Variants in FRMD4B observed in about 807,000 individuals in gnomAD.
FRMD4B encodes the protein FERM domain containing 4B, also known as FERM domain-containing protein 4B.
FRMD4B carries 74 observed loss-of-function variants against 141.5 expected under a neutral mutation model. That is an observed-to-expected ratio of 0.52 (90% CI 0.43 to 0.63). FRMD4B has a LOEUF of 0.63. Ranked by LOEUF, FRMD4B falls within the 30% of genes least tolerant of loss-of-function variation. The probability of loss-of-function intolerance (pLI) is 0.00; values close to 1 mark genes in which losing one functional copy is unlikely to be tolerated. For missense variants in FRMD4B, 1,366 were observed against 1,253.4 expected (o/e 1.09, Z -1.36); for synonymous variants, 506 against 467.9 (o/e 1.08, Z -1.05).
chr3:69,534,416 A>G (rs1247516838), intron 1 of FRMD4B, among the ~76,000 whole-genome samples: 2 of 152,224 alleles, frequency 1.3e-5, no homozygotes, highest in African/African-American at 4.8e-5. Flanking sequence ...TCTAAAATTA[A>G]CTCATGTACC....
chr3:69,342,051 C>A (rs1702756611), intron 1 of FRMD4B, among the ~76,000 whole-genome samples: 1 of 152,148 alleles, frequency 6.6e-6, no homozygotes, highest in Non-Finnish European at 1.5e-5. Context: ...AAGCTGTGAC[C>A]TCTCACAGGT....
intron 1 of FRMD4B, chr3:69,377,234 T>C (rs1346662618): frequency 6.6e-6 from 1 of 152,238 alleles, no homozygotes; most frequent in Non-Finnish European, 1.5e-5. Flanking sequence ...TTCTCAGTGA[T>C]AAATGGACTC....
At chr3:69,346,212 A>G (rs1381079141) in intron 1 of FRMD4B, among the ~76,000 whole-genome samples, 3 of 152,138 alleles carry the variant, frequency 2.0e-5, no homozygotes, top group African/African-American at 7.2e-5. Context: ...GATTCGATCA[A>G]GCGGAAGAAA....
intron 17 of FRMD4B, among the ~76,000 whole-genome samples, chr3:69,192,275 C>G (rs1391889861): frequency 6.6e-6 from 1 of 152,002 alleles, no homozygotes; most frequent in Admixed American, 6.6e-5. Context: ...GCTAGGGAGG[C>G]TGAGGTAGGA....
At chr3:69,469,864 T>A (rs1476025652) in intron 1 of FRMD4B, among the ~76,000 whole-genome samples, 1 of 152,180 alleles carries the variant, frequency 6.6e-6, no homozygotes, top group East Asian at 1.9e-4. Context: ...CCAAAGCAAA[T>A]CCCTTTCTCT....
chr3:69,513,648 A>G (rs1409811802), intron 1 of FRMD4B, among the ~76,000 whole-genome samples: 2 of 152,174 alleles, frequency 1.3e-5, no homozygotes, highest in Non-Finnish European at 1.5e-5. Flanking sequence ...ACTTCAACAA[A>G]ATCCTAACAA....
At chr3:69,241,871 AAAAACAAAAC>A (rs36221855) in intron 7 of FRMD4B, among the ~76,000 whole-genome samples, 36,190 of 151,628 alleles carry the variant, frequency 0.24, 4,420 homozygotes, top group African/African-American at 0.29. Context: ...TCCATCTCAA[AAAAACAAAAC>A]AAAACAAAAC....
At chr3:69,206,632 T>C (rs1277412698) in intron 11 of FRMD4B, among the ~76,000 whole-genome samples, 1 of 152,260 alleles carries the variant, frequency 6.6e-6, no homozygotes, top group East Asian at 1.9e-4. Flanking sequence ...TGGGCACCTG[T>C]ATAACTATTA....
At chr3:69,277,603 A>ACCT (rs1388396666) in intron 5 of FRMD4B, among the ~76,000 whole-genome samples, 3 of 129,066 alleles carry the variant, frequency 2.3e-5, no homozygotes, top group African/African-American at 9.0e-5. Flanking sequence ...GCTCACTGCA[A>ACCT]CCTCCGCCTC....
intron 5 of FRMD4B, 94 bp from the exon 6 acceptor site, chr3:69,250,193 C>T (rs1015322528): frequency 5.8e-5 from 50 of 860,692 alleles, no homozygotes; most frequent in Non-Finnish European, 9.7e-5. Context: ...CAGCTTGGCA[C>T]CTCCAGTTTA....
At chr3:69,216,141 G>T in intron 11 of FRMD4B, 122 bp downstream of exon 11, 1 of 544,268 alleles carries the variant, frequency 1.8e-6, no homozygotes, top group Non-Finnish European at 3.3e-6. Flanking sequence ...GCGACAAAGT[G>T]AGACTCCATC....
At chr3:69,414,869 T>G (rs1398287563) in intron 2 of FRMD4B, among the ~76,000 whole-genome samples, 2 of 148,042 alleles carry the variant, frequency 1.4e-5, no homozygotes, top group East Asian at 4.0e-4. Context: ...CTGTTTTTTT[T>G]TTTTTTTTTT....
intron 5 of FRMD4B, among the ~76,000 whole-genome samples, chr3:69,269,714 G>A (rs754649765): frequency 7.3e-5 from 11 of 150,356 alleles, no homozygotes; most frequent in Non-Finnish European, 1.2e-4. Flanking sequence ...GCACGATCTC[G>A]GCTCAAGCGA....
intron 2 of FRMD4B, among the ~76,000 whole-genome samples, chr3:69,402,077 C>G (rs1376860851): frequency 6.6e-6 from 1 of 152,224 alleles, no homozygotes; most frequent in Non-Finnish European, 1.5e-5. Context: ...TTTCCTATTT[C>G]TCATGTCTGC....
intron 2 of FRMD4B, among the ~76,000 whole-genome samples, chr3:69,420,922 C>A (rs1238179779): frequency 6.6e-6 from 1 of 152,222 alleles, no homozygotes; most frequent in Non-Finnish European, 1.5e-5. Context: ...CCTGAGAACA[C>A]TGGACTTGGC....
intron 2 of FRMD4B, among the ~76,000 whole-genome samples, chr3:69,429,211 G>A (rs1705137044): frequency 6.6e-6 from 1 of 152,176 alleles, no homozygotes; most frequent in African/African-American, 2.4e-5. Context: ...CAATGCTAAA[G>A]TGAACACACT....
At chr3:69,498,812 C>T (rs1367595688) in intron 1 of FRMD4B, among the ~76,000 whole-genome samples, 1 of 152,074 alleles carries the variant, frequency 6.6e-6, no homozygotes, top group East Asian at 1.9e-4. Flanking sequence ...TATATTTATA[C>T]CCAGGACTTA....
intron 1 of FRMD4B, among the ~76,000 whole-genome samples, chr3:69,462,980 C>T (rs1034818167): frequency 6.6e-6 from 1 of 152,234 alleles, no homozygotes; most frequent in Non-Finnish European, 1.5e-5. Flanking sequence ...GCCCTCCCTG[C>T]TCACTCCTTC....
At chr3:69,540,434 G>A (rs1259530235) in intron 1 of FRMD4B, among the ~76,000 whole-genome samples, 1 of 150,672 alleles carries the variant, frequency 6.6e-6, no homozygotes, top group Non-Finnish European at 1.5e-5. Flanking sequence ...CTAACGCTGT[G>A]AAGCCCCGTC....
Sources: allele counts gnomAD v4.1 joint callset (sites outside exome capture counted in the v4.1 genomes callset), GRCh38; gene constraint gnomAD v4.1.1; transcripts MANE v1.5; gene names NCBI Gene and HGNC (gene_info 2026-07-23, HGNC 2026-07-21).